The following SPRR2G variants were observed in gnomAD, a reference collection of about 807,000 sequenced individuals.
The protein encoded by SPRR2G is small proline rich protein 2G.
In SPRR2G, 1 loss-of-function variant was observed where a neutral mutation model predicts 0.7. The observed-to-expected ratio is 1.49, with a 90% CI of 0.53 to 7.06. SPRR2G has a LOEUF of 7.06. SPRR2G is among the 30% of genes most tolerant of loss of function. The pLI is 0.14. For synonymous variants in SPRR2G, 38 were observed against 33.9 expected (o/e 1.12, Z -0.42); for missense variants, 96 against 88.5 (o/e 1.09, Z -0.34).
the SPRR2G span, among the ~76,000 whole-genome samples, chr1:153,183,010 A>C: frequency 6.6e-6 from 1 of 151,728 alleles, no homozygotes; most frequent in Admixed American, 6.6e-5. Context: ...AACAGTGTAA[A>C]AGTGTTCGTA....
the SPRR2G span, among the ~76,000 whole-genome samples, chr1:153,162,688 C>T: frequency 6.6e-6 from 1 of 152,198 alleles, no homozygotes; most frequent in Non-Finnish European, 1.5e-5. Flanking sequence ...GAACCTCAAA[C>T]TCCATGGCCT....
upstream of SPRR2G, among the ~76,000 whole-genome samples, chr1:153,153,833 G>A (rs1022867650): frequency 2.6e-5 from 4 of 152,008 alleles, no homozygotes; most frequent in South Asian, 2.1e-4. Flanking sequence ...TGAGAATATA[G>A]AATTTAAAAA....
At chr1:153,200,326 G>A in the SPRR2G span, among the ~76,000 whole-genome samples, 17 of 152,174 alleles carry the variant, frequency 1.1e-4, no homozygotes, top group African/African-American at 4.1e-4. Flanking sequence ...GGGATTATAG[G>A]GCCAACACCA....
At chr1:153,150,435 A>C (rs1360565939) in intron 1 of SPRR2G, among the ~76,000 whole-genome samples, 1 of 152,226 alleles carries the variant, frequency 6.6e-6, no homozygotes, top group African/African-American at 2.4e-5. Flanking sequence ...AAGTCTAGCC[A>C]ATACCAAACA....
the SPRR2G span, among the ~76,000 whole-genome samples, chr1:153,162,307 C>G: frequency 3.7e-4 from 56 of 152,284 alleles, 2 homozygotes; most frequent in East Asian, 9.6e-3. Flanking sequence ...TGGCCCATAG[C>G]TCCATCCATG....
chr1:153,178,288 T>C, the SPRR2G span, among the ~76,000 whole-genome samples: 1 of 152,198 alleles, frequency 6.6e-6, no homozygotes, highest in Non-Finnish European at 1.5e-5. Context: ...ACATTTGTGC[T>C]TCTTCTTTCC....
intron 1 of SPRR2G, 109 bp from the exon 2 acceptor site, chr1:153,150,240 T>C (rs906223114): frequency 1.4e-6 from 2 of 1,460,772 alleles, no homozygotes; most frequent in Non-Finnish European, 1.8e-6. Flanking sequence ...TGATCCCTAA[T>C]ACAGTCTTTA....
At chr1:153,183,111 C>T in the SPRR2G span, among the ~76,000 whole-genome samples, 1 of 149,668 alleles carries the variant, frequency 6.7e-6, no homozygotes, top group Non-Finnish European at 1.5e-5. Context: ...TCTTGTTGCC[C>T]AGGCTAGAGT....
At chr1:153,201,214 G>C in the SPRR2G span, among the ~76,000 whole-genome samples, 1 of 152,156 alleles carries the variant, frequency 6.6e-6, no homozygotes, top group African/African-American at 2.4e-5. Flanking sequence ...GAAAGGTAAG[G>C]CTAGTAGCTG....
chr1:153,190,606 A>ATCTCTG, the SPRR2G span: 1 of 152,266 alleles, frequency 6.6e-6, no homozygotes, highest in Non-Finnish European at 1.5e-5. Context: ...TCCTGCAAGA[A>ATCTCTG]CACAGAACAT....
At chr1:153,182,007 C>T in the SPRR2G span, among the ~76,000 whole-genome samples, 1 of 152,078 alleles carries the variant, frequency 6.6e-6, no homozygotes, top group Non-Finnish European at 1.5e-5. Flanking sequence ...TACTGTTACC[C>T]ATAATGGCTG....
the SPRR2G span, among the ~76,000 whole-genome samples, chr1:153,168,804 T>C: frequency 6.6e-6 from 1 of 152,120 alleles, no homozygotes; most frequent in Non-Finnish European, 1.5e-5. Flanking sequence ...CAGGGAATTC[T>C]TGGTCAATGT....
the SPRR2G span, among the ~76,000 whole-genome samples, chr1:153,198,349 G>A: frequency 6.6e-6 from 1 of 152,148 alleles, no homozygotes; most frequent in South Asian, 2.1e-4. Context: ...GTAAAATTAA[G>A]CTTTTGTTTT....
the SPRR2G span, among the ~76,000 whole-genome samples, chr1:153,184,051 G>A: frequency 1.3e-5 from 2 of 152,078 alleles, no homozygotes; most frequent in Non-Finnish European, 2.9e-5. Context: ...TTATTTCTGA[G>A]GCCTCTGTTC....
chr1:153,197,962 A>G, the SPRR2G span, among the ~76,000 whole-genome samples: 1 of 152,104 alleles, frequency 6.6e-6, no homozygotes, highest in African/African-American at 2.4e-5. Flanking sequence ...GATTTTAAAA[A>G]GTAATTGGTT....
chr1:153,166,347 T>C, the SPRR2G span, among the ~76,000 whole-genome samples: 1 of 152,168 alleles, frequency 6.6e-6, no homozygotes, highest in Non-Finnish European at 1.5e-5. Context: ...ATGAAGAAGA[T>C]TTGAGTGTTT....
the SPRR2G span, among the ~76,000 whole-genome samples, chr1:153,169,589 C>T: frequency 1.3e-5 from 2 of 150,168 alleles, no homozygotes; most frequent in African/African-American, 4.9e-5. Context: ...CCACCAACCA[C>T]AAAGTGGTTC....
the SPRR2G span, among the ~76,000 whole-genome samples, chr1:153,181,701 A>G: frequency 6.6e-6 from 1 of 151,976 alleles, no homozygotes; most frequent in Non-Finnish European, 1.5e-5. Flanking sequence ...ATTCTATTTA[A>G]CATAATGACC....
At chr1:153,196,263 T>C in the SPRR2G span, among the ~76,000 whole-genome samples, 1 of 152,204 alleles carries the variant, frequency 6.6e-6, no homozygotes, top group Non-Finnish European at 1.5e-5. Flanking sequence ...AGCCTTTGAT[T>C]TAATGAATTT....
Sources: gnomAD v4.1 joint callset for allele counts (sites outside exome capture counted in the v4.1 genomes callset) on GRCh38, gnomAD v4.1.1 for gene constraint, MANE v1.5 for transcripts, NCBI Gene and HGNC (gene_info 2026-07-23, HGNC 2026-07-21) for gene names.